Variants in PPA2 observed in about 807,000 individuals in gnomAD.
The protein encoded by PPA2 is inorganic pyrophosphatase 2, mitochondrial.
A neutral mutation model predicts 49.5 loss-of-function variants in PPA2; 48 were observed. The ratio of observed to expected loss-of-function variants is 0.97; its 90% CI spans 0.77 to 1.23. The LOEUF (loss-of-function observed/expected upper bound fraction) is 1.23, where lower values mean the gene tolerates loss of function less well. Ranked by LOEUF, PPA2 falls within the 50% of genes most tolerant of loss-of-function variation. PPA2 has a pLI of 0.00. For missense variants in PPA2, 429 were observed against 410.1 expected (o/e 1.05, Z -0.40); for synonymous variants, 131 against 139.9 (o/e 0.94, Z 0.45).
intron 6 of PPA2, among the ~76,000 whole-genome samples, chr4:105,432,248 T>A (rs909932546): frequency 6.6e-6 from 1 of 152,336 alleles, no homozygotes; most frequent in African/African-American, 2.4e-5. Context: ...TTCTTTCCAA[T>A]ACCTACCTTC....
chr4:105,398,834 A>G, intron 8 of PPA2: 2 of 445,158 alleles, frequency 4.5e-6, no homozygotes, highest in Non-Finnish European at 7.6e-6. Context: ...ATGGAAATAT[A>G]TATTTTTCAG....
intron 7 of PPA2, among the ~76,000 whole-genome samples, chr4:105,400,081 G>T (rs1734298594): frequency 6.6e-6 from 1 of 152,118 alleles, no homozygotes; most frequent in East Asian, 1.9e-4. Flanking sequence ...CCTTTATTTT[G>T]CTTCAGAATG....
At chr4:105,369,841 AG>A (rs1295956519) in intron 11 of PPA2, 88 bp from the exon 12 acceptor site, 7 of 1,268,774 alleles carry the variant, frequency 5.5e-6, no homozygotes, top group African/African-American at 1.5e-5. Context: ...TTCGACTTTT[AG>A]GAAGTATTTA....
chr4:105,417,378 G>A (rs1442156738), intron 7 of PPA2, among the ~76,000 whole-genome samples: 2 of 151,992 alleles, frequency 1.3e-5, no homozygotes, highest in African/African-American at 2.4e-5. Context: ...ATTTAGAGAT[G>A]GGAAAAACCC....
chr4:105,450,579 C>G, intron 3 of PPA2, among the ~76,000 whole-genome samples: 1 of 136,558 alleles, frequency 7.3e-6, no homozygotes, highest in Non-Finnish European at 1.6e-5. Flanking sequence ...TTTCACTATG[C>G]TGGCCAGGCT....
intron 1 of PPA2, among the ~76,000 whole-genome samples, chr4:105,470,411 G>T (rs1307929518): frequency 1.3e-5 from 2 of 152,152 alleles, no homozygotes; most frequent in Non-Finnish European, 2.9e-5. Context: ...GCTTGAGCTG[G>T]GGAAGTCAAG....
At chr4:105,374,865 T>C (rs889669689) in intron 10 of PPA2, among the ~76,000 whole-genome samples, 1 of 151,216 alleles carries the variant, frequency 6.6e-6, no homozygotes, top group South Asian at 2.1e-4. Flanking sequence ...TTTCTTTTTT[T>C]TTTTTTTTTA....
At chr4:105,464,676 T>G (rs1451774703) in intron 1 of PPA2, among the ~76,000 whole-genome samples, 1 of 152,108 alleles carries the variant, frequency 6.6e-6, no homozygotes, top group African/African-American at 2.4e-5. Context: ...AGTGAGTAAA[T>G]CTCATGAGAT....
At chr4:105,430,578 C>T (rs1220766151) in intron 6 of PPA2, among the ~76,000 whole-genome samples, 1 of 152,316 alleles carries the variant, frequency 6.6e-6, no homozygotes, top group Admixed American at 6.5e-5. Context: ...TTTCTCATAG[C>T]TGTGCCTTCT....
intron 7 of PPA2, chr4:105,405,869 C>G (rs1179913787): frequency 6.6e-6 from 3 of 455,942 alleles, no homozygotes; most frequent in African/African-American, 2.0e-5. Flanking sequence ...GCAGGTAGGA[C>G]AGGCTGGAAG....
intron 7 of PPA2, among the ~76,000 whole-genome samples, chr4:105,410,738 GA>G (rs1408019094): frequency 3.9e-5 from 6 of 152,228 alleles, no homozygotes; most frequent in Non-Finnish European, 8.8e-5. Context: ...CTACAAGCCA[GA>G]AGAGAGTGGG....
In PPA2 at chr4:105,369,165, G is replaced by A. The variant is rs754376237; in HGVS notation, c.*560C>T. ...TGGTAAAATCAATGGGTTCCTTCAGGTATAGAAACTAGAAATGGTCAACTC... is the reference window on the plus strand; with the variant it reads ...TGGTAAAATCAATGGGTTCCTTCAGATATAGAAACTAGAAATGGTCAACTC... On this transcript the variant is annotated 3_prime_UTR_variant, in exon 12 of 12. Coordinates refer to ENST00000341695, the MANE Select transcript of PPA2 (RefSeq NM_176869.3). The A allele has an allele frequency of 2.0e-5, 3 of 151,886 alleles. No individual in the cohort carries two copies. Among genetic ancestry groups the A allele is most frequent in the Admixed American group, 6.6e-5 (1 of 15,252 alleles). 9.4% of individuals were successfully genotyped at this position (151,886 alleles called of 1,614,324 possible).
At chr4:105,395,698 A>T (rs1339482350) in intron 9 of PPA2, among the ~76,000 whole-genome samples, 2 of 152,158 alleles carry the variant, frequency 1.3e-5, no homozygotes, top group African/African-American at 4.8e-5. Flanking sequence ...ATTTTAAGTT[A>T]CAAGGAGCTT....
intron 10 of PPA2, among the ~76,000 whole-genome samples, chr4:105,378,406 C>T (rs1330592402): frequency 6.6e-6 from 1 of 152,130 alleles, no homozygotes; most frequent in East Asian, 1.9e-4. Context: ...CATCCATTTA[C>T]AGAGCCATAT....
rs201981938 is a variant in PPA2 at position 105,392,372 on chromosome 4, T to TA, written c.869+3876dup. Among the ~76,000 whole-genome samples, 1,313 of 150,796 alleles carry TA rather than the reference T, an allele frequency of 8.7e-3. 20 individuals are homozygous for TA. Among genetic ancestry groups the TA allele is most frequent in the African/African-American group, 0.03 (1,215 of 41,160 alleles). On this transcript the variant is annotated intron_variant, in intron 9 of 11. Coordinates refer to ENST00000341695, the MANE Select transcript of PPA2 (RefSeq NM_176869.3). ...AAAAGAGAAGAGTCACTACCTGGAT[T>TA]AAAAAAAAACAAAAACAAGGCTGGG...
chr4:105,436,251 G>T lies in PPA2; in HGVS notation c.528+1699C>A, dbSNP rs181842915. On this transcript the variant is annotated intron_variant, in intron 6 of 11. Transcript: ENST00000341695. ...ATACACACACACACACACCCCGCAGGAATACATTTAATCAAGTGGGTAAAA... is the reference window on the plus strand; with the variant it reads ...ATACACACACACACACACCCCGCAGTAATACATTTAATCAAGTGGGTAAAA... 1.1e-3 allele frequency among the ~76,000 whole-genome samples: 166 copies of T among 151,752 alleles called. 1 individual carries two copies. In the Middle Eastern group the frequency reaches 0.014, roughly 12 times the overall value.
intron 9 of PPA2, among the ~76,000 whole-genome samples, chr4:105,388,742 T>A (rs924330157): frequency 1.3e-5 from 2 of 148,954 alleles, no homozygotes; most frequent in African/African-American, 5.0e-5. Context: ...GGGGAATCAC[T>A]TGAACCTGGG....
At chr4:105,473,822 A>G (rs764040436) in intron 1 of PPA2, 72 bp downstream of exon 1, 1 of 1,543,594 alleles carries the variant, frequency 6.5e-7, no homozygotes, top group South Asian at 1.2e-5. Flanking sequence ...GGGCGTCCCA[A>G]GTGTCCCCCA....
At chr4:105,445,195 C>T (rs1276741930) in intron 5 of PPA2, among the ~76,000 whole-genome samples, 1 of 152,178 alleles carries the variant, frequency 6.6e-6, no homozygotes, top group Non-Finnish European at 1.5e-5. Flanking sequence ...CCTCTACTTA[C>T]GTCTCTGTTT....
Sources: allele counts gnomAD v4.1 joint callset (sites outside exome capture counted in the v4.1 genomes callset), GRCh38; gene constraint gnomAD v4.1.1; transcripts MANE v1.5; gene names NCBI Gene and HGNC (gene_info 2026-07-23, HGNC 2026-07-21).